Variants in PBRM1 observed in about 807,000 individuals in gnomAD.
PBRM1 encodes polybromo 1, also known as protein polybromo-1.
A neutral mutation model predicts 194.5 loss-of-function variants in PBRM1; 27 were observed. The observed-to-expected ratio is 0.14, with a 90% CI of 0.10 to 0.19. The LOEUF is 0.19. Ranked by LOEUF, PBRM1 falls within the 10% of genes least tolerant of loss-of-function variation. PBRM1 has a pLI of 1.00. For synonymous variants in PBRM1, 655 were observed against 693.2 expected, an observed-to-expected ratio of 0.94 and a Z score of 0.87; for missense variants, 1,466 against 2,077.2, an observed-to-expected ratio of 0.71 and a Z score of 5.72.
intron 2 of PBRM1, among the ~76,000 whole-genome samples, chr3:52,674,661 T>C (rs1009161678): frequency 2.1e-5 from 3 of 144,266 alleles, no homozygotes; most frequent in Admixed American, 1.4e-4. Context: ...TATATATATA[T>C]ATATACACAC....
exon 9 of PBRM1, chr3:52,643,337 T>A: frequency 6.2e-7 from 1 of 1,610,490 alleles, no homozygotes; most frequent in African/African-American, 1.3e-5. Context: ...CCAAGTTGGA[T>A]GGAGTCCTAT....
At chr3:52,621,415 G>A (rs1210841062) in intron 13 of PBRM1, among the ~76,000 whole-genome samples, 2 of 152,030 alleles carry the variant, frequency 1.3e-5, no homozygotes, top group Admixed American at 6.6e-5. Flanking sequence ...TGCCCGCCTC[G>A]GCCTCCCAAA....
intron 17 of PBRM1, among the ~76,000 whole-genome samples, chr3:52,593,806 T>A (rs938085242): frequency 5.0e-4 from 76 of 152,330 alleles, no homozygotes; most frequent in South Asian, 4.1e-4. Context: ...GGTATAATTT[T>A]CCTTCTTTTG....
intron 13 of PBRM1, among the ~76,000 whole-genome samples, chr3:52,626,556 T>C (rs991873131): frequency 4.6e-5 from 7 of 152,134 alleles, no homozygotes; most frequent in African/African-American, 1.7e-4. Flanking sequence ...GAGGCAGTCA[T>C]GATTAAAGGA....
chr3:52,665,595 C>G (rs1309900529), intron 3 of PBRM1, among the ~76,000 whole-genome samples: 2 of 152,310 alleles, frequency 1.3e-5, no homozygotes, highest in Admixed American at 1.3e-4. Context: ...TGAGCTCCTC[C>G]TGTCACATCA....
chr3:52,560,360 T>A (rs1057358169), intron 25 of PBRM1, among the ~76,000 whole-genome samples: 78 of 152,334 alleles, frequency 5.1e-4, no homozygotes, highest in African/African-American at 1.7e-3. Context: ...AGGTCTTAAC[T>A]TTCAATAAGG....
intron 15 of PBRM1, among the ~76,000 whole-genome samples, chr3:52,612,895 G>C (rs1439630500): frequency 7.9e-6 from 1 of 126,592 alleles, no homozygotes; most frequent in African/African-American, 2.9e-5. Flanking sequence ...AACAGAGTGA[G>C]AATCCGTCTC....
chr3:52,611,989 G>A (rs1372823746), intron 15 of PBRM1, among the ~76,000 whole-genome samples: 1 of 152,004 alleles, frequency 6.6e-6, no homozygotes, highest in African/African-American at 2.4e-5. Context: ...GCTGGGCATG[G>A]TGGCTCACAC....
Position 52,589,170 on chromosome 3 carries a change from G to A in PBRM1, c.2865C>T (p.Asn955=), listed in dbSNP as rs142185676. Residue 955 remains asparagine, a synonymous_variant, in exon 18 of 30, where the codon AAC becomes AAT. Coordinates refer to ENST00000296302, the Ensembl canonical transcript of PBRM1. ...CGTAATCTCCAACATGGTACATGCTGTTTTTAAAGCTACAGTCCTGGCTGT... is the reference window on the plus strand; with the variant it reads ...CGTAATCTCCAACATGGTACATGCTATTTTTAAAGCTACAGTCCTGGCTGT... 2.0e-5 allele frequency: 33 copies of A among 1,611,424 alleles called. No homozygotes were observed. In the African/African-American group the frequency reaches 3.6e-4, roughly 18 times the overall value.
chr3:52,684,020 T>G (rs2097263115), upstream of PBRM1, among the ~76,000 whole-genome samples: 1 of 151,834 alleles, frequency 6.6e-6, no homozygotes, highest in African/African-American at 2.4e-5. Context: ...AAATTAAAAT[T>G]AGCTGGGTGT....
intron 10 of PBRM1, among the ~76,000 whole-genome samples, chr3:52,641,276 G>A (rs1001549761): frequency 4.6e-5 from 7 of 151,424 alleles, no homozygotes; most frequent in Admixed American, 2.6e-4. Flanking sequence ...GTAAAACCCC[G>A]TCTCTAGTAA....
exon 27 of PBRM1, chr3:52,554,787 C>T: frequency 1.3e-6 from 2 of 1,588,998 alleles, no homozygotes; most frequent in Non-Finnish European, 1.7e-6. Flanking sequence ...GGAGGCCCCC[C>T]AGGGTGAAGT....
At chr3:52,634,458 GT>G in intron 11 of PBRM1, 143 bp downstream of exon 12, 1 of 517,540 alleles carries the variant, frequency 1.9e-6, no homozygotes, top group Non-Finnish European at 3.4e-6. Flanking sequence ...AAAAAAAAAG[GT>G]AATGAACAGT....
intron 25 of PBRM1, among the ~76,000 whole-genome samples, chr3:52,558,906 G>A (rs970264901): frequency 3.9e-5 from 6 of 152,132 alleles, no homozygotes; most frequent in Non-Finnish European, 2.9e-5. Flanking sequence ...CTCATCACGA[G>A]TGTCATGGAG....
At chr3:52,586,826 C>G (rs1016078630) in intron 19 of PBRM1, 138 bp from the exon 22 acceptor site, 1 of 629,930 alleles carries the variant, frequency 1.6e-6, no homozygotes, top group Non-Finnish European at 2.7e-6. Flanking sequence ...TGGCAGTTAA[C>G]AAAAAATAAT....
At chr3:52,554,919 A>G in intron 26 of PBRM1, 40 bp from the exon 29 acceptor site, 1 of 1,582,036 alleles carries the variant, frequency 6.3e-7, no homozygotes, top group Non-Finnish European at 8.6e-7. Flanking sequence ...CATCATTAAC[A>G]TGCAACATGA....
chr3:52,641,816 C>T (rs892452303), intron 10 of PBRM1, 138 bp downstream of exon 11: 8 of 736,492 alleles, frequency 1.1e-5, no homozygotes, highest in Non-Finnish European at 2.0e-5. Flanking sequence ...GTCTGACTAC[C>T]AGAGTACAAT....
chr3:52,614,637 C>A (rs890472250), intron 15 of PBRM1, among the ~76,000 whole-genome samples: 1 of 146,806 alleles, frequency 6.8e-6, no homozygotes, highest in Admixed American at 7.0e-5. Flanking sequence ...GTGGTGTGAT[C>A]TTGGCTCACT....
At chr3:52,547,920 G>A (rs148181025), downstream of PBRM1, 1,038 of 587,700 alleles carry the variant, frequency 1.8e-3, 9 homozygotes, top group African/African-American at 0.018. Context: ...AAAAGTGTCC[G>A]TATATAAAAA....
Sources: gnomAD v4.1 joint callset for allele counts (sites outside exome capture counted in the v4.1 genomes callset) on GRCh38, gnomAD v4.1.1 for gene constraint, MANE v1.5 for transcripts, NCBI Gene and HGNC (gene_info 2026-07-23, HGNC 2026-07-21) for gene names.